Variants in MYO3A observed in about 807,000 individuals in gnomAD.
MYO3A encodes the protein myosin-IIIa.
MYO3A carries 180 observed loss-of-function variants against 192.7 expected under a neutral mutation model. The observed-to-expected ratio is 0.93, with a 90% CI of 0.83 to 1.06. The LOEUF is 1.06. MYO3A is among the 50% of genes least tolerant of loss of function. MYO3A has a pLI of 0.00. For missense variants in MYO3A, 1,896 were observed against 1,905.0 expected, an observed-to-expected ratio of 1.00 and a Z score of 0.09; for synonymous variants, 628 against 645.3, an observed-to-expected ratio of 0.97 and a Z score of 0.41.
intron 4 of MYO3A, among the ~76,000 whole-genome samples, chr10:25,989,193 A>G (rs373983382): frequency 1.3e-5 from 2 of 149,582 alleles, no homozygotes; most frequent in African/African-American, 2.5e-5. Flanking sequence ...TGATCCTTTC[A>G]CCTTGGCCTG....
intron 29 of MYO3A, 127 bp from the exon 30 acceptor site, chr10:26,173,536 T>C: frequency 1.2e-6 from 1 of 836,182 alleles, no homozygotes; most frequent in East Asian, 2.6e-5. Context: ...CTTGATACTT[T>C]TTAATTTTGA....
intron 10 of MYO3A, among the ~76,000 whole-genome samples, chr10:26,032,365 C>G (rs779678199): frequency 2.4e-4 from 37 of 152,170 alleles, no homozygotes; most frequent in Non-Finnish European, 3.8e-4. Flanking sequence ...GCCTGTAATC[C>G]CAGCACTTTG....
At chr10:26,210,240 A>G (rs961372616) in intron 34 of MYO3A, among the ~76,000 whole-genome samples, 2 of 152,232 alleles carry the variant, frequency 1.3e-5, no homozygotes, top group Admixed American at 1.3e-4. Flanking sequence ...TGACTTATAT[A>G]TTTGATATCT....
At chr10:26,081,153 C>G in intron 14 of MYO3A, among the ~76,000 whole-genome samples, 1 of 131,874 alleles carries the variant, frequency 7.6e-6, no homozygotes, top group African/African-American at 2.7e-5. Flanking sequence ...CCCGCCCCCG[C>G]TACCAGGGTG....
At chr10:26,077,973 C>G (rs751235623) in intron 14 of MYO3A, among the ~76,000 whole-genome samples, 1 of 151,746 alleles carries the variant, frequency 6.6e-6, no homozygotes, top group African/African-American at 2.4e-5. Context: ...TTGGTTATAT[C>G]CTTTCCTGGT....
intron 4 of MYO3A, among the ~76,000 whole-genome samples, chr10:25,956,068 C>T (rs1485516481): frequency 2.0e-5 from 3 of 152,134 alleles, no homozygotes; most frequent in Non-Finnish European, 2.9e-5. Context: ...AGAGAAGAAA[C>T]GCTGTGTTCT....
Position 25,955,022 on chromosome 10 carries a change from C to G in MYO3A, c.303+14C>G, listed in dbSNP as rs1373829535. ...TTGGTTCTTGAGGTAAGTGTGTCAGCATCATTTGTATGGGTGGAAACTTAG... is the reference window on the plus strand; with the variant it reads ...TTGGTTCTTGAGGTAAGTGTGTCAGGATCATTTGTATGGGTGGAAACTTAG... On this transcript the variant is annotated intron_variant, in intron 4 of 34. Transcript: ENST00000642920. The G allele has an allele frequency of 1.9e-6, 3 of 1,612,008 alleles. No homozygotes were observed. In the African/African-American group the frequency reaches 4.0e-5, roughly 22 times the overall value.
intron 8 of MYO3A, chr10:26,022,894 T>C (rs1054117925): frequency 3.3e-5 from 5 of 152,210 alleles, no homozygotes; most frequent in Non-Finnish European, 5.9e-5. Context: ...CTTAGTTATT[T>C]CTTAATTATG....
At chr10:26,047,531 T>C (rs1004248203) in intron 10 of MYO3A, among the ~76,000 whole-genome samples, 1 of 152,174 alleles carries the variant, frequency 6.6e-6, no homozygotes, top group African/African-American at 2.4e-5. Flanking sequence ...CCCAGCACTT[T>C]GGGAGGCCGA....
intron 4 of MYO3A, among the ~76,000 whole-genome samples, chr10:25,982,628 G>A (rs1839402936): frequency 6.6e-6 from 1 of 152,192 alleles, no homozygotes; most frequent in African/African-American, 2.4e-5. Context: ...ACTCTTTGCA[G>A]ACGCTCCTCA....
At chr10:26,140,525 A>T (rs993787204) in intron 20 of MYO3A, among the ~76,000 whole-genome samples, 1 of 152,232 alleles carries the variant, frequency 6.6e-6, no homozygotes, top group Non-Finnish European at 1.5e-5. Context: ...CTCTACTAAA[A>T]GTACAAAAAT....
chr10:25,986,527 T>A (rs542328575), intron 4 of MYO3A, among the ~76,000 whole-genome samples: 2 of 152,170 alleles, frequency 1.3e-5, no homozygotes, highest in Non-Finnish European at 2.9e-5. Flanking sequence ...ACAAAATTGA[T>A]GTACACAAAT....
chr10:26,168,655 C>T (rs1426745800), intron 27 of MYO3A, 57 bp from the exon 28 acceptor site: 13 of 1,544,240 alleles, frequency 8.4e-6, no homozygotes, highest in Non-Finnish European at 1.2e-5. Flanking sequence ...AAGCACAGCA[C>T]ATAACTGCTT....
chr10:25,977,724 T>C (rs1472986228), intron 4 of MYO3A, among the ~76,000 whole-genome samples: 1 of 152,172 alleles, frequency 6.6e-6, no homozygotes, highest in Non-Finnish European at 1.5e-5. Context: ...TAGGTTTACA[T>C]TGACTAACTT....
intron 4 of MYO3A, among the ~76,000 whole-genome samples, chr10:25,972,758 T>G (rs1363569138): frequency 6.6e-6 from 1 of 152,174 alleles, no homozygotes; most frequent in Non-Finnish European, 1.5e-5. Flanking sequence ...TCTATGACTG[T>G]TTCATTCCCT....
chr10:25,973,418 C>T (rs923012893), intron 4 of MYO3A, among the ~76,000 whole-genome samples: 1 of 152,158 alleles, frequency 6.6e-6, no homozygotes, highest in African/African-American at 2.4e-5. Context: ...AGAATCATGA[C>T]ATCTGCAAAC....
At chr10:25,979,140 A>C (rs150877125) in intron 4 of MYO3A, among the ~76,000 whole-genome samples, 82 of 152,304 alleles carry the variant, frequency 5.4e-4, no homozygotes, top group African/African-American at 1.9e-3. Context: ...ACTGCATTTT[A>C]GTATACAATC....
At chr10:26,114,867 C>T (rs1838406996) in intron 17 of MYO3A, among the ~76,000 whole-genome samples, 1 of 152,008 alleles carries the variant, frequency 6.6e-6, no homozygotes, top group Non-Finnish European at 1.5e-5. Flanking sequence ...GTAGTAAATT[C>T]TATGAGAGCA....
chr10:26,136,399 G>T (rs941373454), intron 20 of MYO3A, among the ~76,000 whole-genome samples: 6 of 152,168 alleles, frequency 3.9e-5, no homozygotes, highest in African/African-American at 9.7e-5. Context: ...TGTTCCCCAG[G>T]TGTAAGTTCT....
Sources: gnomAD v4.1 joint callset for allele counts (sites outside exome capture counted in the v4.1 genomes callset) on GRCh38, gnomAD v4.1.1 for gene constraint, MANE v1.5 for transcripts, NCBI Gene and HGNC (gene_info 2026-07-23, HGNC 2026-07-21) for gene names.